The following SEC31A variants were observed in gnomAD, a reference collection of about 807,000 sequenced individuals.
SEC31A encodes protein transport protein Sec31A.
In SEC31A, 70 loss-of-function variants were observed where a neutral mutation model predicts 151.0. The observed-to-expected ratio is 0.46, with a 90% CI of 0.38 to 0.57. SEC31A has a LOEUF of 0.57. SEC31A is among the 20% of genes least tolerant of loss of function. The pLI, the probability that SEC31A is intolerant of heterozygous loss-of-function variation, is 0.00. For missense variants in SEC31A, 1,330 were observed against 1,471.2 expected, an observed-to-expected ratio of 0.90 and a Z score of 1.57; for synonymous variants, 475 against 505.9, an observed-to-expected ratio of 0.94 and a Z score of 0.82.
chr4:82,839,181 G>A (rs559337070), intron 22 of SEC31A, among the ~76,000 whole-genome samples: 4 of 151,216 alleles, frequency 2.6e-5, no homozygotes, highest in Admixed American at 6.6e-5. Flanking sequence ...ATGGAGTTAC[G>A]CTCTTGTTGC....
chr4:82,889,510 G>C (rs1741751483), intron 1 of SEC31A, among the ~76,000 whole-genome samples: 2 of 141,470 alleles, frequency 1.4e-5, no homozygotes, highest in East Asian at 4.1e-4. Context: ...CTGCACCACT[G>C]CACTCCAATC....
chr4:82,887,947 G>A (rs1741132223), intron 1 of SEC31A, among the ~76,000 whole-genome samples: 1 of 152,052 alleles, frequency 6.6e-6, no homozygotes, highest in Admixed American at 6.6e-5. Flanking sequence ...TCGGGAGGCT[G>A]AGGCAGGAGA....
At position 82,881,752 on chromosome 4, in the gene SEC31A, A is replaced by G. The variant is rs1001951892; in HGVS notation, c.79+106T>C. ...GCTGATAGAATGTCAGTAACTTGCC[A>G]GGGAGAGAGAGGCTTTCTAGAGAAG... On this transcript the variant is annotated intron_variant, in intron 2 of 26. Transcript: ENST00000395310. 3.6e-6 allele frequency: 3 copies of G among 822,632 alleles called. No homozygotes were observed. The African/African-American group carries it at 5.0e-5, about 14-fold the overall frequency. 51.0% of individuals were successfully genotyped at this position (822,632 alleles called of 1,614,324 possible). A position where few individuals can be genotyped will look rare whatever the true frequency, so the allele number is the denominator to read the frequency against.
Position 82,871,945 on chromosome 4 carries a change from T to A in SEC31A, c.781A>T (p.Arg261Trp), listed in dbSNP as rs1216044556. Reference sequence around the variant, plus strand: ...TTCTTTGTAACAGCAGCACGATACCTGGCATGGTTTTCCAGGACACGAAGT... The same window carrying A: ...TTCTTTGTAACAGCAGCACGATACCAGGCATGGTTTTCCAGGACACGAAGT... ...SPLRVLENHARGILAIAWSMA... is the reference protein window; with the variant it reads ...SPLRVLENHAWGILAIAWSMA... The change falls in exon 7 of 27, where the codon AGG (arginine) becomes TGG (tryptophan). Residue 261 changes from arginine (R) to tryptophan (W), a missense_variant and splice_region_variant. Transcript: ENST00000395310. The A allele has an allele frequency of 6.2e-7, 1 of 1,614,130 alleles. No homozygotes were observed. Among genetic ancestry groups the A allele is most frequent in the Non-Finnish European group, 8.5e-7 (1 of 1,180,006 alleles).
At chr4:82,857,282 G>T in intron 15 of SEC31A, 152 bp from the exon 16 acceptor site, 1 of 674,464 alleles carries the variant, frequency 1.5e-6, no homozygotes, top group Non-Finnish European at 2.5e-6. Context: ...TCTAACACAA[G>T]CTATTGGTAT....
intron 6 of SEC31A, 132 bp downstream of exon 6, chr4:82,874,477 CTA>C: frequency 2.4e-6 from 2 of 819,084 alleles, no homozygotes; most frequent in South Asian, 4.4e-5. Flanking sequence ...AACATTCCTT[CTA>C]ACATGACTGA....
At chr4:82,865,959 AT>A (rs1735271238) in intron 10 of SEC31A, among the ~76,000 whole-genome samples, 2 of 152,066 alleles carry the variant, frequency 1.3e-5, no homozygotes, top group Admixed American at 1.3e-4. Context: ...TATATTATGC[AT>A]TTTTTACAAT....
intron 23 of SEC31A, 75 bp downstream of exon 23, chr4:82,828,925 G>GT (rs1469922269): frequency 1.8e-6 from 2 of 1,129,216 alleles, no homozygotes; most frequent in Non-Finnish European, 2.7e-6. Context: ...GATCAGTGAA[G>GT]TATAGTGTGT....
At chr4:82,896,055 A>G (rs796384760), upstream of SEC31A, among the ~76,000 whole-genome samples, 6 of 152,364 alleles carry the variant, frequency 3.9e-5, no homozygotes, top group African/African-American at 1.4e-4. Flanking sequence ...AAAAAAACTC[A>G]GAACAAAGAT....
At chr4:82,844,018 G>C in intron 21 of SEC31A, 1 of 224,906 alleles carries the variant, frequency 4.4e-6, no homozygotes, top group East Asian at 9.2e-5. Flanking sequence ...AATGCCCCTT[G>C]AAACCATTTT....
chr4:82,863,047 G>A (rs1734535932), intron 12 of SEC31A, among the ~76,000 whole-genome samples: 1 of 152,136 alleles, frequency 6.6e-6, no homozygotes, highest in African/African-American at 2.4e-5. Flanking sequence ...GCAACAACCT[G>A]CAATGCTATA....
chr4:82,865,912 G>A (rs1250239423), intron 10 of SEC31A, among the ~76,000 whole-genome samples: 4 of 151,802 alleles, frequency 2.6e-5, no homozygotes, highest in Non-Finnish European at 5.9e-5. Context: ...AAAAATGGTT[G>A]TAGTGTATAT....
rs375633639 is a variant in SEC31A at position 82,864,626 on chromosome 4, G to A, written c.1198-28C>T. The A allele has an allele frequency of 3.1e-6, 5 of 1,598,130 alleles. No homozygotes were observed. The African/African-American group carries it at 6.7e-5, about 21-fold the overall frequency. On this transcript the variant is annotated intron_variant, in intron 10 of 26. Coordinates refer to ENST00000395310, the MANE Select transcript of SEC31A (RefSeq NM_001077207.4). ...ATAAAAGAGAGAATGAACAAACTCA[G>A]TGTTAACCCAAGGATATGGCCAAAA...
intron 3 of SEC31A, among the ~76,000 whole-genome samples, chr4:82,896,352 G>A (rs1313921639): frequency 6.6e-6 from 1 of 152,148 alleles, no homozygotes; most frequent in Non-Finnish European, 1.5e-5. Context: ...CAAGTAGCTG[G>A]GGTTACAGGT....
chr4:82,828,264 A>T (rs1725078460), intron 23 of SEC31A, among the ~76,000 whole-genome samples: 1 of 152,204 alleles, frequency 6.6e-6, no homozygotes, highest in African/African-American at 2.4e-5. Flanking sequence ...CAGAGGTGCC[A>T]AGTATGCATG....
intron 14 of SEC31A, 84 bp downstream of exon 14, chr4:82,861,547 A>C: frequency 1.3e-6 from 1 of 789,102 alleles, no homozygotes; most frequent in Non-Finnish European, 2.1e-6. Context: ...TGCCATAAGT[A>C]GTCAAGAAAA....
chr4:82,844,417 G>A lies in SEC31A; in HGVS notation c.2595C>T (p.His865=), dbSNP rs1183214907. The A allele has an allele frequency of 2.5e-6, 4 of 1,614,020 alleles. No individual in the cohort carries two copies. The highest frequency in any genetic ancestry group is 1.3e-5 in the African/African-American group (1 of 74,940). The change falls in exon 21 of 27, where the codon CAC becomes CAT. Residue 865 remains histidine, a synonymous_variant. Coordinates refer to ENST00000395310, the MANE Select transcript of SEC31A (RefSeq NM_001077207.4). ...GQLPTSPGHM[H]TQVPPYPQPQ... ...GCTGTGGATAAGGTGGTACCTGGGT[G>A]TGCATATGACCTGGAGATGTGGGAA...
intron 25 of SEC31A, among the ~76,000 whole-genome samples, chr4:82,823,992 C>G (rs145167580): frequency 6.0e-4 from 92 of 152,258 alleles, no homozygotes; most frequent in African/African-American, 1.9e-3. Flanking sequence ...CCTTACTTTT[C>G]TTGTCTGTAA....
intron 1 of SEC31A, chr4:82,890,625 A>G (rs1367825142): frequency 8.7e-6 from 4 of 457,176 alleles, no homozygotes; most frequent in African/African-American, 6.3e-5. Context: ...GTTAAATGAC[A>G]GTAGACGTCA....
Sources: gnomAD v4.1 joint callset for allele counts (sites outside exome capture counted in the v4.1 genomes callset) on GRCh38, gnomAD v4.1.1 for gene constraint, MANE v1.5 for transcripts, NCBI Gene and HGNC (gene_info 2026-07-23, HGNC 2026-07-21) for gene names.